The following COL2A1 variants were observed in gnomAD, a reference collection of about 807,000 sequenced individuals.
The protein encoded by COL2A1 is collagen type II alpha 1 chain.
COL2A1 carries 28 observed loss-of-function variants against 204.5 expected under a neutral mutation model. The observed-to-expected ratio is 0.14, with a 90% confidence interval of 0.10 to 0.19. The LOEUF is 0.19. COL2A1 is among the 10% of genes least tolerant of loss of function. The pLI is 1.00. For synonymous variants in COL2A1, 708 were observed against 718.7 expected (o/e 0.99, Z 0.24); for missense variants, 1,388 against 2,027.5 (o/e 0.68, Z 6.06).
rs1939012487 is a variant in COL2A1, at chr12:47,980,720, C to T, written c.2518-59G>A. The T allele has an allele frequency of 3.9e-6, 6 of 1,534,052 alleles. No individual in the cohort carries two copies. Among genetic ancestry groups the T allele is most frequent in the Non-Finnish European group, 5.3e-6 (6 of 1,124,098 alleles). ...GGCAGGCTAAAACCCTGGAGCTCTT[C>T]CAGAAGAGCAGGAGACTCTGTGAGT... On this transcript the variant is annotated intron_variant, in intron 38 of 53. Transcript: ENST00000380518. The surrounding 1 kb of genome is among the most constrained non-coding windows in gnomAD (Gnocchi z 4.5).
intron 16 of COL2A1, among the ~76,000 whole-genome samples, chr12:47,990,801 CT>C (rs1939665596): frequency 6.6e-6 from 1 of 152,216 alleles, no homozygotes; most frequent in African/African-American, 2.4e-5. Context: ...CCCTCAAATG[CT>C]CTCTCAAGGT....
rs372792172 is a variant in COL2A1 at position 47,982,987 on chromosome 12, G to A, written c.2095-41C>T. On this transcript the variant is annotated intron_variant, in intron 32 of 53. Coordinates refer to ENST00000380518, the MANE Select transcript of COL2A1 (RefSeq NM_001844.5). Reference sequence around the variant, plus strand: ...CAAGAAGTGATCAACCAACAGCAGTGGGGGAGAAGGTCCAGGGAGAAGCAG... The same window carrying A: ...CAAGAAGTGATCAACCAACAGCAGTAGGGGAGAAGGTCCAGGGAGAAGCAG... The A allele has an allele frequency of 3.1e-6, 5 of 1,607,092 alleles. No individual in the cohort carries two copies. The African/African-American group carries it at 4.0e-5, about 13-fold the overall frequency.
Position 47,985,711 on chromosome 12 carries a change from G to A in COL2A1, c.1680+17C>T, listed in dbSNP as rs115270781. 3,746 of 1,613,258 alleles carry A rather than the reference G, an allele frequency of 2.3e-3. 83 individuals carry two copies. In the African/African-American group the frequency reaches 0.041, roughly 18 times the overall value. On this transcript the variant is annotated intron_variant, in intron 25 of 53. Transcript: ENST00000380518. ...TGAGGGTCTGAAGCCAAGGGCAACA[G>A]CAGCTCTGCTACTTACCCGGGCTCC...
chr12:47,975,456 T>C lies in COL2A1; in HGVS notation c.3747A>G (p.Arg1249=). The C allele has an allele frequency of 6.2e-7, 1 of 1,614,072 alleles. No individual in the cohort carries two copies. The highest frequency in any genetic ancestry group is 1.1e-5 in the South Asian group (1 of 91,080). Residue 1249 remains arginine (R), a synonymous_variant, in exon 51 of 54, where the codon AGA becomes AGG. Coordinates refer to ENST00000380518, the MANE Select transcript of COL2A1 (RefSeq NM_001844.5). The stretch of plus-strand genomic sequence containing the variant: ...TGGCATCCACCTCGGCGTCATGCTG[T>C]CTCAGGCCACCGGCTGCCTGGTCGG... The part of the protein sequence containing the change: ...MRADQAAGGL[R]QHDAEVDATL...
At chr12:47,981,751 G>C (rs1419584637) in intron 36 of COL2A1, 25 bp downstream of exon 36, 1 of 1,551,360 alleles carries the variant, frequency 6.4e-7, no homozygotes, top group Admixed American at 2.0e-5. Flanking sequence ...GGCAAGGTGT[G>C]GAGAGGAAAG....
chr12:47,985,545 C>A lies in COL2A1; in HGVS notation c.1723G>T (p.Val575Phe). The A allele has an allele frequency of 6.2e-7, 1 of 1,614,130 alleles. No individual in the cohort carries two copies. Among genetic ancestry groups the A allele is most frequent in the Non-Finnish European group, 8.5e-7 (1 of 1,180,030 alleles). The change falls in exon 26 of 54, where the codon GTT becomes TTT. Residue 575 changes from valine (V) to phenylalanine (F), a missense_variant. Val to Phe is a conservative substitution (Grantham distance 50). This residue lies in a region of COL2A1 where 884 missense variants were observed against 1,415.8 expected (regional missense o/e 0.62). Transcript: ENST00000380518. ...GAGGATAGACTTACAGAAGGGCCAACTTTGCCTTGAGGACCAGCATCACCA... is the reference window on the plus strand; with the variant it reads ...GAGGATAGACTTACAGAAGGGCCAAATTTGCCTTGAGGACCAGCATCACCA... ...RPGDAGPQGK[V>F]GPSGAPGEDG...
chr12:48,001,164 C>G (rs970585169), intron 1 of COL2A1: 49 of 152,276 alleles, frequency 3.2e-4, no homozygotes, highest in African/African-American at 1.1e-3. Flanking sequence ...GCACCACGTG[C>G]TAGGGAGCGC....
intron 44 of COL2A1, 67 bp from the exon 45 acceptor site, chr12:47,977,720 G>T: frequency 1.3e-6 from 2 of 1,537,550 alleles, no homozygotes; most frequent in Non-Finnish European, 1.8e-6. Flanking sequence ...TGCTCCCCCA[G>T]CCCCTCTCAG....
rs1239633408 is a variant in COL2A1 at position 47,978,350 on chromosome 12, T to A, written c.2944A>T (p.Ile982Phe). ...GPQGLAGQRG[I>F]VGLPGQRGER... ...CCACGTTGCCCAGGCAGACCGACGA[T>A]GCCTCTCTGACCAGCCAGACCCTGG... is the stretch of plus-strand genomic sequence containing the variant. Residue 982 changes from isoleucine (I) to phenylalanine (F), a missense_variant, in exon 43 of 54, where the codon ATC becomes TTC. By Grantham distance (21) the Ile-to-Phe change is conservative (BLOSUM62 0). Coordinates refer to ENST00000380518, the MANE Select transcript of COL2A1 (RefSeq NM_001844.5). This position sits in a 1 kb window ranked among gnomAD's most constrained non-coding sequence, Gnocchi z 5.5. 2.5e-6 allele frequency: 4 copies of A among 1,613,942 alleles called. No homozygotes were observed. Among genetic ancestry groups the A allele is most frequent in the African/African-American group, 2.7e-5 (2 of 74,922 alleles).
intron 16 of COL2A1, among the ~76,000 whole-genome samples, chr12:47,991,566 G>A (rs553209203): frequency 1.3e-5 from 2 of 152,184 alleles, no homozygotes; most frequent in Non-Finnish European, 2.9e-5. Context: ...GGAGAGGGAG[G>A]AGTAGCAAAG....
intron 18 of COL2A1, among the ~76,000 whole-genome samples, chr12:47,988,079 G>A (rs1375106164): frequency 6.6e-6 from 1 of 152,196 alleles, no homozygotes; most frequent in East Asian, 1.9e-4. Flanking sequence ...ATGATGGACG[G>A]ACACCGCTCT....
intron 16 of COL2A1, among the ~76,000 whole-genome samples, chr12:47,990,887 C>T (rs1939669860): frequency 6.6e-6 from 1 of 152,194 alleles, no homozygotes; most frequent in Admixed American, 6.5e-5. Context: ...TAGGGCCTGA[C>T]TGAGCAGGTC....
intron 6 of COL2A1, 34 bp from the exon 7 acceptor site, chr12:47,997,741 G>A (rs1443306406): frequency 6.2e-7 from 1 of 1,614,008 alleles, no homozygotes; most frequent in Admixed American, 1.7e-5. Context: ...TCAATGGGAA[G>A]CAGTGTTTCT....
chr12:48,004,348 G>A lies in COL2A1; in HGVS notation c.-27C>T, dbSNP rs1441448352. 1.7e-5 allele frequency: 25 copies of A among 1,429,606 alleles called. No individual in the cohort carries two copies. The highest frequency in any genetic ancestry group is 4.2e-5 in the African/African-American group (3 of 70,650). 88.6% of individuals were successfully genotyped at this position (1,429,606 alleles called of 1,614,324 possible). On this transcript the variant is annotated 5_prime_UTR_variant, in exon 1 of 54. Transcript: ENST00000380518. Reference sequence around the variant, plus strand: ...GCTCACCGCGGGGCCTGGCTGAGCCGGGCCCGGGCGGAGCGCAGCGAAACG... The same window carrying A: ...GCTCACCGCGGGGCCTGGCTGAGCCAGGCCCGGGCGGAGCGCAGCGAAACG...
Position 47,982,146 on chromosome 12 carries a change from C to T in COL2A1, c.2316G>A (p.Glu772=). The T allele has an allele frequency of 6.2e-7, 1 of 1,613,970 alleles. No homozygotes were observed. The highest frequency in any genetic ancestry group is 1.1e-5 in the South Asian group (1 of 91,078). The change falls in exon 35 of 54, where the codon GAG becomes GAA. Residue 772 remains glutamate, a synonymous_variant. Transcript: ENST00000380518. The part of the protein sequence containing the change: ...GPKGDRGDVG[E]KGPEGAPGKD... ...TTCCAGGGGCTCCCTCAGGGCCTTT[C>T]TCACCAACGTCACCCTGAGGGAAGA...
chr12:47,997,669 C>A lies in COL2A1; in HGVS notation c.468G>T (p.Gly156=), dbSNP rs776531707. 1 of 1,613,888 alleles carries A rather than the reference C, an allele frequency of 6.2e-7. No homozygotes were observed. The highest frequency in any genetic ancestry group is 8.5e-7 in the Non-Finnish European group (1 of 1,179,910). The change falls in exon 7 of 54, where the codon GGG becomes GGT. Residue 156 remains glycine, a synonymous_variant. Coordinates refer to ENST00000380518, the MANE Select transcript of COL2A1 (RefSeq NM_001844.5). ...CAGGGGGGCCAGGATTTCCAGGGGTCCCAGGTTCTCCATCTCTGCCACGAG... is the reference window on the plus strand; with the variant it reads ...CAGGGGGGCCAGGATTTCCAGGGGTACCAGGTTCTCCATCTCTGCCACGAG... The part of the protein sequence containing the change: ...PGPRGRDGEP[G]TPGNPGPPGP...
intron 29 of COL2A1, 37 bp from the exon 30 acceptor site, chr12:47,983,773 T>C (rs372222890): frequency 3.2e-6 from 5 of 1,561,622 alleles, no homozygotes; most frequent in Non-Finnish European, 4.3e-6. Flanking sequence ...GAGCCAGTGT[T>C]CCAGAGACCC....
rs1939482824 is a variant in COL2A1 at position 47,987,397 on chromosome 12, T to C, written c.1222-84A>G. The C allele has an allele frequency of 7.0e-7, 1 of 1,432,096 alleles. No individual in the cohort carries two copies. The highest frequency in any genetic ancestry group is 9.8e-7 in the Non-Finnish European group (1 of 1,021,712). The allele number at this position is 1,432,096 out of a possible 1,614,324, so 88.7% of individuals were successfully genotyped here. A position where few individuals can be genotyped will look rare whatever the true frequency, so the allele number is the denominator to read the frequency against. ...CCTCCAGGATCCAGATCCAGGGACCTGGCATAGGTGCTGTCCATTTCAGGG... is the reference window on the plus strand; with the variant it reads ...CCTCCAGGATCCAGATCCAGGGACCCGGCATAGGTGCTGTCCATTTCAGGG... On this transcript the variant is annotated intron_variant, in intron 19 of 53. Coordinates refer to ENST00000380518, the MANE Select transcript of COL2A1 (RefSeq NM_001844.5). This position sits in a 1 kb window ranked among gnomAD's most constrained non-coding sequence, Gnocchi z 4.1.
intron 22 of COL2A1, 105 bp from the exon 23 acceptor site, chr12:47,986,548 TGGG>T: frequency 1.5e-6 from 1 of 673,170 alleles, no homozygotes; most frequent in Non-Finnish European, 2.6e-6. Context: ...GTTTCAGGGC[TGGG>T]GGGGGGCTTG....
Sources: allele counts gnomAD v4.1 joint callset (sites outside exome capture counted in the v4.1 genomes callset), GRCh38; gene constraint gnomAD v4.1.1; regional missense constraint gnomAD v4.1.1; non-coding constraint Gnocchi (gnomAD v3.1); transcripts MANE v1.5; gene names NCBI Gene and HGNC (gene_info 2026-07-23, HGNC 2026-07-21).